Variants in RMDN2 observed in about 807,000 individuals in gnomAD.
The protein encoded by RMDN2 is regulator of microtubule dynamics protein 2.
RMDN2 carries 61 observed loss-of-function variants against 52.8 expected under a neutral mutation model. That is an observed-to-expected ratio of 1.16 (90% CI 0.94 to 1.43). The LOEUF (loss-of-function observed/expected upper bound fraction) is 1.43, where lower values mean the gene tolerates loss of function less well. RMDN2 is among the 40% of genes most tolerant of loss of function. RMDN2 has a pLI of 0.00. For synonymous variants in RMDN2, 180 were observed against 153.1 expected (o/e 1.18, Z -1.30); for missense variants, 592 against 475.3 (o/e 1.25, Z -2.28).
At chr2:37,951,794 C>T (rs372732058) in intron 2 of RMDN2, 1 of 1,613,528 alleles carries the variant, frequency 6.2e-7, no homozygotes. Context: ...TTGAAACAAA[C>T]ACTACTTCTC....
At chr2:38,004,961 T>G (rs1483087850) in intron 10 of RMDN2, among the ~76,000 whole-genome samples, 3 of 152,092 alleles carry the variant, frequency 2.0e-5, no homozygotes, top group African/African-American at 7.2e-5. Flanking sequence ...TGGTTTTTTG[T>G]CCTTGCGATA....
intron 2 of RMDN2, chr2:37,951,723 G>A (rs1260707959): frequency 8.1e-6 from 13 of 1,612,338 alleles, no homozygotes; most frequent in African/African-American, 1.3e-5. Flanking sequence ...AAGTAATACT[G>A]ATGCTAAAAA....
chr2:37,927,378 C>G (rs929295900), intron 1 of RMDN2, among the ~76,000 whole-genome samples: 1 of 152,080 alleles, frequency 6.6e-6, no homozygotes, highest in Admixed American at 6.5e-5. Flanking sequence ...CACTTATCTG[C>G]AAAATAATAA....
At chr2:38,033,453 T>C (rs1680356974) in intron 10 of RMDN2, among the ~76,000 whole-genome samples, 1 of 152,220 alleles carries the variant, frequency 6.6e-6, no homozygotes, top group Non-Finnish European at 1.5e-5. Context: ...CTTCTACCTC[T>C]CTTGCTCTGC....
In RMDN2 at chr2:37,933,833, G is replaced by A. The variant is rs75711050; in HGVS notation, c.452+4104G>A. Among the ~76,000 whole-genome samples, 225 of 150,396 alleles carry A rather than the reference G, an allele frequency of 1.5e-3. 5 individuals are homozygous for A. In the East Asian group the frequency reaches 0.037, roughly 25 times the overall value. ...GAGAGGAGTACAAAAAAATTTAGATGTGAAATCTTTCTAAATAAGTATGTA... is the reference window on the plus strand; with the variant it reads ...GAGAGGAGTACAAAAAAATTTAGATATGAAATCTTTCTAAATAAGTATGTA... On this transcript the variant is annotated intron_variant, in intron 2 of 10. Coordinates refer to ENST00000354545, the MANE Select transcript of RMDN2 (RefSeq NM_001170791.3).
chr2:37,956,928 A>G (rs1442971366), intron 2 of RMDN2, among the ~76,000 whole-genome samples: 1 of 151,800 alleles, frequency 6.6e-6, no homozygotes, highest in Non-Finnish European at 1.5e-5. Context: ...TTCCTGTGCT[A>G]GTTTGCTGAG....
At chr2:38,000,328 C>T (rs1403877943) in intron 8 of RMDN2, among the ~76,000 whole-genome samples, 1 of 152,210 alleles carries the variant, frequency 6.6e-6, no homozygotes, top group Non-Finnish European at 1.5e-5. Flanking sequence ...GTTTCAGAAC[C>T]TCTGGGTATC....
chr2:38,019,145 C>G (rs906253987), downstream of RMDN2, among the ~76,000 whole-genome samples: 1 of 152,168 alleles, frequency 6.6e-6, no homozygotes, highest in Non-Finnish European at 1.5e-5. Flanking sequence ...CTCTAAACAG[C>G]TAAAGGAATG....
At chr2:37,995,594 A>G (rs1196971252) in intron 7 of RMDN2, among the ~76,000 whole-genome samples, 2 of 152,200 alleles carry the variant, frequency 1.3e-5, no homozygotes, top group Non-Finnish European at 2.9e-5. Context: ...CAAGAAAACA[A>G]AAATGTATTA....
chr2:37,948,600 G>T lies in RMDN2; in HGVS notation c.452+18871G>T, dbSNP rs145989710. Among the ~76,000 whole-genome samples the T allele has an allele frequency of 1.1e-4, 16 of 152,196 alleles. No individual in the cohort carries two copies. In the East Asian group the frequency reaches 2.9e-3, roughly 28 times the overall value. ...TGCTTTTGGGCTAAGTCTAATTTTGGTTCTCTTAAAAAGCCAAAAGGAGGC... is the reference window on the plus strand; with the variant it reads ...TGCTTTTGGGCTAAGTCTAATTTTGTTTCTCTTAAAAAGCCAAAAGGAGGC... On this transcript the variant is annotated intron_variant, in intron 2 of 10. Coordinates refer to ENST00000354545, the MANE Select transcript of RMDN2 (RefSeq NM_001170791.3).
intron 1 of RMDN2, among the ~76,000 whole-genome samples, chr2:37,927,969 T>G (rs560187897): frequency 1.3e-5 from 2 of 152,152 alleles, no homozygotes. Context: ...GAAAAAAAAT[T>G]TTTTTAAGTT....
At chr2:37,999,825 A>G (rs1676076703) in intron 8 of RMDN2, among the ~76,000 whole-genome samples, 1 of 152,120 alleles carries the variant, frequency 6.6e-6, no homozygotes, top group Non-Finnish European at 1.5e-5. Context: ...GATCCCGTAG[A>G]GGTTGAGAAC....
intron 2 of RMDN2, among the ~76,000 whole-genome samples, chr2:37,966,594 C>CT (rs1168783282): frequency 1.3e-5 from 2 of 151,878 alleles, no homozygotes; most frequent in African/African-American, 4.8e-5. Flanking sequence ...GCTCTATTTA[C>CT]TTTTTTTTCA....
chr2:38,049,656 T>G (rs1681471917), intron 10 of RMDN2, among the ~76,000 whole-genome samples: 1 of 152,178 alleles, frequency 6.6e-6, no homozygotes, highest in Admixed American at 6.6e-5. Flanking sequence ...TACTGCAGCC[T>G]CAAACTCATG....
chr2:37,998,767 T>G (rs1459213517), intron 8 of RMDN2, among the ~76,000 whole-genome samples: 2 of 152,208 alleles, frequency 1.3e-5, no homozygotes, highest in Non-Finnish European at 2.9e-5. Flanking sequence ...ACATTTCTTA[T>G]TTTTTATGTA....
chr2:37,952,309 A>C, intron 2 of RMDN2: 1 of 1,005,416 alleles, frequency 9.9e-7, no homozygotes, highest in Non-Finnish European at 1.5e-6. Context: ...TTTCCTCACA[A>C]AGCTTCACTG....
chr2:37,973,372 G>A (rs974206220), intron 2 of RMDN2, among the ~76,000 whole-genome samples: 20 of 152,306 alleles, frequency 1.3e-4, no homozygotes, highest in African/African-American at 2.6e-4. Context: ...AGTTTTGAGT[G>A]CCTGCTGAGT....
chr2:37,950,210 C>CGTGTAGAT, intron 2 of RMDN2: 1 of 360,916 alleles, frequency 2.8e-6, no homozygotes, highest in South Asian at 2.6e-5. Flanking sequence ...GAGAGATGGT[C>CGTGTAGAT]CAAGGTGAGA....
intron 10 of RMDN2, among the ~76,000 whole-genome samples, chr2:38,035,139 T>G (rs1016255869): frequency 1.3e-5 from 2 of 152,098 alleles, no homozygotes; most frequent in East Asian, 3.8e-4. Flanking sequence ...AATAAAAGAA[T>G]AAATATATAG....
Sources: allele counts gnomAD v4.1 joint callset (sites outside exome capture counted in the v4.1 genomes callset), GRCh38; gene constraint gnomAD v4.1.1; transcripts MANE v1.5; gene names NCBI Gene and HGNC (gene_info 2026-07-23, HGNC 2026-07-21).